The following FLNB variants were observed in gnomAD, a reference collection of about 807,000 sequenced individuals.
The protein encoded by FLNB is filamin-B.
A neutral mutation model predicts 250.6 loss-of-function variants in FLNB; 111 were observed. The observed-to-expected ratio is 0.44, with a 90% CI of 0.38 to 0.52. The LOEUF (loss-of-function observed/expected upper bound fraction) is 0.52, where lower values mean the gene tolerates loss of function less well. Ranked by LOEUF, FLNB falls within the 20% of genes least tolerant of loss-of-function variation. FLNB has a pLI of 0.00. For missense variants in FLNB, 2,869 were observed against 3,447.8 expected (o/e 0.83, Z 4.20); for synonymous variants, 1,302 against 1,372.1 (o/e 0.95, Z 1.13).
chr3:58,102,371 T>G (rs765535515), intron 9 of FLNB, 31 bp downstream of exon 9: 2 of 1,613,392 alleles, frequency 1.2e-6, no homozygotes, highest in African/African-American at 2.7e-5. Context: ...CTATCTCAGG[T>G]GTGGTTTTGG....
At chr3:58,021,048 TATC>T (rs1483198713) in intron 1 of FLNB, among the ~76,000 whole-genome samples, 1 of 152,156 alleles carries the variant, frequency 6.6e-6, no homozygotes, top group Non-Finnish European at 1.5e-5. Context: ...AATAAGTTCT[TATC>T]ATGCTTGTAC....
At chr3:58,124,526 A>G (rs1234725078) in intron 22 of FLNB, 21 bp downstream of exon 22, 9 of 1,613,610 alleles carry the variant, frequency 5.6e-6, no homozygotes, top group African/African-American at 1.3e-5. Flanking sequence ...CTGTCCTCGG[A>G]CTGGACCCTC....
chr3:58,155,169 T>C (rs1293789773), intron 40 of FLNB, among the ~76,000 whole-genome samples: 1 of 152,236 alleles, frequency 6.6e-6, no homozygotes, highest in Non-Finnish European at 1.5e-5. Flanking sequence ...TTTCATTCAA[T>C]TGCTCCATTC....
intron 1 of FLNB, among the ~76,000 whole-genome samples, chr3:58,040,651 T>C (rs1223700020): frequency 2.6e-5 from 4 of 152,142 alleles, no homozygotes; most frequent in Non-Finnish European, 4.4e-5. Context: ...CATCCTGCCA[T>C]GCCTGGCTAA....
At chr3:58,155,723 T>A (rs1426736293) in intron 40 of FLNB, among the ~76,000 whole-genome samples, 1 of 152,208 alleles carries the variant, frequency 6.6e-6, no homozygotes, top group Non-Finnish European at 1.5e-5. Flanking sequence ...ATGGATCTGC[T>A]GAATTCAATA....
intron 1 of FLNB, among the ~76,000 whole-genome samples, chr3:58,050,801 G>A (rs78678272): frequency 6.6e-6 from 1 of 152,228 alleles, no homozygotes; most frequent in Non-Finnish European, 1.5e-5. Flanking sequence ...CCCTTCCACA[G>A]CTTCCTCTGG....
intron 1 of FLNB, among the ~76,000 whole-genome samples, chr3:58,047,527 T>C (rs1217173262): frequency 6.6e-6 from 1 of 152,142 alleles, no homozygotes; most frequent in Non-Finnish European, 1.5e-5. Context: ...TTGCCATATT[T>C]GCTTGCTCTA....
At chr3:58,154,646 C>A in intron 39 of FLNB, 145 bp from the exon 40 acceptor site, 1 of 804,072 alleles carries the variant, frequency 1.2e-6, no homozygotes, top group Non-Finnish European at 2.1e-6. Flanking sequence ...GGACCTTGGA[C>A]CTTGCTTGGG....
Position 58,166,830 on chromosome 3 carries a change from A to AT in FLNB, c.7199-1610_7199-1609insT, listed in dbSNP as rs572258620. Reference sequence around the variant, plus strand: ...GAGGAAGACTTTATCTAAAAAAAAAAATATTAGTAATAAGGCCGGGTGCGT... The same window carrying AT: ...GAGGAAGACTTTATCTAAAAAAAAAATATATTAGTAATAAGGCCGGGTGCGT... On this transcript the variant is annotated intron_variant, in intron 43 of 45. Transcript: ENST00000295956. 1.3e-3 allele frequency among the ~76,000 whole-genome samples: 199 copies of AT among 151,384 alleles called. 6 individuals are homozygous for AT. The South Asian group carries it at 0.03, about 23-fold the overall frequency.
intron 27 of FLNB, 84 bp downstream of exon 27, chr3:58,134,856 C>A: frequency 7.8e-7 from 1 of 1,283,996 alleles, no homozygotes; most frequent in South Asian, 1.3e-5. Context: ...GTTTCAATAA[C>A]CGATTTCTGA....
chr3:58,113,292 C>T (rs949524386), intron 18 of FLNB, among the ~76,000 whole-genome samples: 2 of 152,176 alleles, frequency 1.3e-5, no homozygotes, highest in African/African-American at 2.4e-5. Flanking sequence ...GCCTAGTGTT[C>T]GAAGTGGTTG....
In FLNB at chr3:58,123,436, A is replaced by G. The variant is rs746036906; in HGVS notation, c.3470A>G (p.Asp1157Gly). 2 of 1,611,934 alleles carry G rather than the reference A, an allele frequency of 1.2e-6. No homozygotes were observed. The highest frequency in any genetic ancestry group is 2.2e-5 in the East Asian group (1 of 44,838). ...KVGEAGLLSV[D>G]CSEAGPGALG... is the part of the protein sequence containing the mutation. ...GGTGAAGCTGGCCTCCTTAGCGTCG[A>G]CTGCTCGGAAGCGGGACCGGGGGCC... The change falls in exon 21 of 46, where the codon GAC (aspartate) becomes GGC (glycine). Residue 1157 changes from aspartate to glycine, a missense_variant. By Grantham distance (94) the Asp-to-Gly change is moderately conservative. Coordinates refer to ENST00000295956, the MANE Select transcript of FLNB (RefSeq NM_001457.4).
intron 4 of FLNB, among the ~76,000 whole-genome samples, chr3:58,092,500 T>C (rs375902438): frequency 2.6e-5 from 4 of 152,066 alleles, no homozygotes; most frequent in East Asian, 3.9e-4. Context: ...TTAAAAATTA[T>C]ACAGGTGTGG....
At chr3:58,103,263 A>AGG (rs1296224620) in intron 9 of FLNB, among the ~76,000 whole-genome samples, 17 of 87,636 alleles carry the variant, frequency 1.9e-4, no homozygotes, top group Non-Finnish European at 2.8e-4. Context: ...GGAGCCAAGG[A>AGG]GGGTGTGTGT....
At chr3:58,068,105 C>T (rs1327039352) in intron 1 of FLNB, among the ~76,000 whole-genome samples, 1 of 152,160 alleles carries the variant, frequency 6.6e-6, no homozygotes, top group Non-Finnish European at 1.5e-5. Flanking sequence ...CTGTTCAGGT[C>T]CTGAAGCCGT....
In FLNB at chr3:58,081,673, C is replaced by T. The variant is rs749534602; in HGVS notation, c.684C>T (p.His228=). The part of the protein sequence containing the change: ...EEIIHPDVDE[H]SVMTYLSQFP... ...TCATTCACCCGGATGTGGACGAGCA[C>T]TCAGTTATGACTTACCTGTCCCAGT... Residue 228 remains histidine (H), a synonymous_variant, in exon 4 of 46, where the codon CAC becomes CAT. Coordinates refer to ENST00000295956, the MANE Select transcript of FLNB (RefSeq NM_001457.4). 16 of 1,613,980 alleles carry T rather than the reference C, an allele frequency of 9.9e-6. No homozygotes were observed. The East Asian group carries it at 3.3e-4, about 34-fold the overall frequency.
At chr3:58,066,744 T>C (rs1038976323) in intron 1 of FLNB, among the ~76,000 whole-genome samples, 12 of 152,128 alleles carry the variant, frequency 7.9e-5, no homozygotes, top group African/African-American at 2.7e-4. Flanking sequence ...AATAAAGGCA[T>C]TGGGTGATGA....
intron 1 of FLNB, among the ~76,000 whole-genome samples, chr3:58,013,301 G>T (rs1411616912): frequency 6.6e-6 from 1 of 152,132 alleles, no homozygotes; most frequent in Non-Finnish European, 1.5e-5. Flanking sequence ...TTACTTGACT[G>T]ACTTAAACCA....
intron 24 of FLNB, among the ~76,000 whole-genome samples, chr3:58,129,885 G>A (rs1187311134): frequency 2.0e-5 from 3 of 152,186 alleles, no homozygotes; most frequent in African/African-American, 4.8e-5. Context: ...GAGTCCATGA[G>A]TGTCCTTGGC....
Sources: gnomAD v4.1 joint callset for allele counts (sites outside exome capture counted in the v4.1 genomes callset) on GRCh38, gnomAD v4.1.1 for gene constraint, MANE v1.5 for transcripts, NCBI Gene and HGNC (gene_info 2026-07-23, HGNC 2026-07-21) for gene names.